Variants in DPY19L1 observed in about 807,000 individuals in gnomAD.
DPY19L1 encodes protein C-mannosyl-transferase DPY19L1.
A neutral mutation model predicts 96.9 loss-of-function variants in DPY19L1; 35 were observed. The ratio of observed to expected loss-of-function variants is 0.36; its 90% CI spans 0.28 to 0.48. DPY19L1 has a LOEUF of 0.48. Ranked by LOEUF, DPY19L1 falls within the 20% of genes least tolerant of loss-of-function variation. The pLI, the probability that DPY19L1 is intolerant of heterozygous loss-of-function variation, is 0.99. For missense variants in DPY19L1, 521 were observed against 777.9 expected, an observed-to-expected ratio of 0.67 and a Z score of 3.93; for synonymous variants, 205 against 252.6, an observed-to-expected ratio of 0.81 and a Z score of 1.79.
intron 9 of DPY19L1, among the ~76,000 whole-genome samples, chr7:34,967,432 A>G (rs950919240): frequency 1.3e-5 from 2 of 152,220 alleles, no homozygotes; most frequent in Admixed American, 1.3e-4. Context: ...AAGTATCTCC[A>G]TTAATGTTCT....
intron 2 of DPY19L1, 150 bp downstream of exon 2, chr7:35,018,422 C>T (rs1161824023): frequency 1.5e-6 from 1 of 676,564 alleles, no homozygotes; most frequent in African/African-American, 1.9e-5. Context: ...CCTGATTTAT[C>T]AATTAAACTA....
In DPY19L1 at chr7:35,033,658, T is replaced by C. The variant is rs1786317380; in HGVS notation, c.298+3439A>G. Among the ~76,000 whole-genome samples the C allele has an allele frequency of 2.0e-5, 3 of 152,152 alleles. No individual in the cohort carries two copies. The South Asian group carries it at 6.2e-4, about 32-fold the overall frequency. ...CCAGTGTTGATATGGCTATGCTGCT[T>C]CTACCACACCACATTGCTCCCCCCA... On this transcript the variant is annotated intron_variant, in intron 1 of 21. Coordinates refer to ENST00000638088, the MANE Select transcript of DPY19L1 (RefSeq NM_001366673.1).
At chr7:34,956,403 A>T (rs992749976) in intron 11 of DPY19L1, among the ~76,000 whole-genome samples, 2 of 152,130 alleles carry the variant, frequency 1.3e-5, no homozygotes, top group African/African-American at 4.8e-5. Flanking sequence ...TGTTGAAAAT[A>T]TAGCATCATG....
intron 13 of DPY19L1, among the ~76,000 whole-genome samples, chr7:34,950,174 TG>T (rs1245627276): frequency 6.6e-6 from 1 of 152,160 alleles, no homozygotes; most frequent in Non-Finnish European, 1.5e-5. Flanking sequence ...GTGCTAAACC[TG>T]GTGAAACAGG....
chr7:35,010,399 G>C, intron 6 of DPY19L1, 69 bp downstream of exon 6: 4 of 850,508 alleles, frequency 4.7e-6, no homozygotes, highest in Non-Finnish European at 7.3e-6. Context: ...ATTAATCAAT[G>C]ATTAACTATT....
intron 7 of DPY19L1, among the ~76,000 whole-genome samples, chr7:34,979,381 A>C (rs1784893002): frequency 6.6e-6 from 1 of 152,142 alleles, no homozygotes; most frequent in South Asian, 2.1e-4. Context: ...AGGCAATATA[A>C]ATAGAAACAG....
At chr7:34,955,435 A>T (rs1784357799) in intron 11 of DPY19L1, 68 bp from the exon 12 acceptor site, 1 of 1,563,602 alleles carries the variant, frequency 6.4e-7, no homozygotes, top group Non-Finnish European at 8.7e-7. Context: ...GTACCAAAAA[A>T]TTCTTCTAAA....
chr7:34,940,405 G>T, intron 18 of DPY19L1, 78 bp from the exon 19 acceptor site: 1 of 1,222,360 alleles, frequency 8.2e-7, no homozygotes, highest in Non-Finnish European at 1.1e-6. Context: ...TCTTCCCAGA[G>T]AAGAATAAGG....
intron 2 of DPY19L1, 90 bp downstream of exon 2, chr7:35,018,482 C>A (rs767983507): frequency 2.5e-6 from 3 of 1,198,080 alleles, no homozygotes; most frequent in Admixed American, 2.0e-5. Flanking sequence ...ACTGATCATG[C>A]TGAAATTATT....
At chr7:35,034,788 A>G (rs1786346187) in intron 1 of DPY19L1, among the ~76,000 whole-genome samples, 1 of 152,226 alleles carries the variant, frequency 6.6e-6, no homozygotes, top group African/African-American at 2.4e-5. Flanking sequence ...TTTAGTTGTT[A>G]TAATTGTTCT....
At position 34,929,401 on chromosome 7, in the gene DPY19L1, C is replaced by T. The variant is rs887553158; in HGVS notation, c.*2172G>A. The stretch of plus-strand genomic sequence containing the variant: ...CTGGGGGTTACATTCATAAACACTG[C>T]TACAAAAGGATCCTTCTGGAAAAAG... On this transcript the variant is annotated 3_prime_UTR_variant, in exon 22 of 22. Transcript: ENST00000638088. 6.6e-6 allele frequency: 1 copy of T among 152,116 alleles called. No individual in the cohort carries two copies. Among genetic ancestry groups the T allele is most frequent in the African/African-American group, 2.4e-5 (1 of 41,418 alleles). The allele number at this position is 152,116 out of a possible 1,614,324, so 9.4% of individuals were successfully genotyped here.
At chr7:34,937,380 C>G (rs1783890891) in intron 21 of DPY19L1, among the ~76,000 whole-genome samples, 1 of 152,160 alleles carries the variant, frequency 6.6e-6, no homozygotes, top group Non-Finnish European at 1.5e-5. Flanking sequence ...AATGTGACCC[C>G]TGGTGCTCAG....
chr7:34,991,228 GGTAA>G (rs760730942), intron 6 of DPY19L1, among the ~76,000 whole-genome samples: 2 of 152,182 alleles, frequency 1.3e-5, no homozygotes, highest in Non-Finnish European at 2.9e-5. Context: ...TCAGGAGAGT[GGTAA>G]CTGGGGAAAA....
chr7:35,019,357 C>T (rs955998474), intron 1 of DPY19L1, among the ~76,000 whole-genome samples: 2 of 152,130 alleles, frequency 1.3e-5, no homozygotes, highest in African/African-American at 2.4e-5. Context: ...AGCATCATCT[C>T]GAGCCCAGGA....
chr7:35,032,599 T>C (rs1049211692), intron 1 of DPY19L1, among the ~76,000 whole-genome samples: 1 of 152,090 alleles, frequency 6.6e-6, no homozygotes, highest in East Asian at 1.9e-4. Flanking sequence ...ACATCTCCAC[T>C]CAGACCTTTT....
In DPY19L1 at chr7:35,035,835, T is replaced by C. The variant is rs1373442689; in HGVS notation, c.298+1262A>G. 3.9e-5 allele frequency among the ~76,000 whole-genome samples: 6 copies of C among 152,144 alleles called. No individual in the cohort carries two copies. In the East Asian group the frequency reaches 1.2e-3, roughly 29 times the overall value. The stretch of plus-strand genomic sequence containing the variant: ...TCTGAAGGCTCTGCCTCATCCACTG[T>C]ATCGTGCTGCCTCCCCAAGGTGAGC... On this transcript the variant is annotated intron_variant, in intron 1 of 21. Coordinates refer to ENST00000638088, the MANE Select transcript of DPY19L1 (RefSeq NM_001366673.1).
chr7:34,957,504 T>C (rs1306383908), intron 11 of DPY19L1, among the ~76,000 whole-genome samples: 2 of 152,214 alleles, frequency 1.3e-5, no homozygotes, highest in African/African-American at 4.8e-5. Context: ...TCTAAAGTTG[T>C]TCTTGGTAGT....
intron 9 of DPY19L1, among the ~76,000 whole-genome samples, chr7:34,968,355 C>T (rs13238348): frequency 0.058 from 8,894 of 152,164 alleles, 356 homozygotes; most frequent in Middle Eastern, 0.18. Flanking sequence ...ATCTCTATTT[C>T]AGAAATGAGA....
intron 16 of DPY19L1, among the ~76,000 whole-genome samples, chr7:34,945,221 C>T (rs1376855617): frequency 6.6e-6 from 1 of 151,780 alleles, no homozygotes; most frequent in Non-Finnish European, 1.5e-5. Flanking sequence ...TAAACAAACC[C>T]TCTTGGTTAA....
Sources: allele counts gnomAD v4.1 joint callset (sites outside exome capture counted in the v4.1 genomes callset), GRCh38; gene constraint gnomAD v4.1.1; transcripts MANE v1.5; gene names NCBI Gene and HGNC (gene_info 2026-07-23, HGNC 2026-07-21).